SPTLC3: variants seen among roughly 807,000 people sequenced by gnomAD.
SPTLC3 encodes serine palmitoyltransferase long chain base subunit 3, also known as serine palmitoyltransferase 3.
SPTLC3 carries 36 observed loss-of-function variants against 59.3 expected under a neutral mutation model. That is an observed-to-expected ratio of 0.61 (90% CI 0.47 to 0.80). The LOEUF (loss-of-function observed/expected upper bound fraction) is 0.80, where lower values mean the gene tolerates loss of function less well. Ranked by LOEUF, SPTLC3 falls within the 30% of genes least tolerant of loss-of-function variation. The pLI, the probability that SPTLC3 is intolerant of heterozygous loss-of-function variation, is 0.00. For synonymous variants in SPTLC3, 257 were observed against 240.8 expected (o/e 1.07, Z -0.62); for missense variants, 625 against 685.1 (o/e 0.91, Z 0.98).
chr20:13,134,961 A>AG (rs1422097459), intron 9 of SPTLC3, among the ~76,000 whole-genome samples: 2 of 152,180 alleles, frequency 1.3e-5, no homozygotes, highest in Non-Finnish European at 2.9e-5. Flanking sequence ...GGAATAGGAA[A>AG]GGGAGTTTTG....
intron 7 of SPTLC3, among the ~76,000 whole-genome samples, chr20:13,115,680 A>G (rs925974396): frequency 6.6e-6 from 1 of 152,140 alleles, no homozygotes; most frequent in African/African-American, 2.4e-5. Context: ...AACACAGAAC[A>G]TTGTCAAGGG....
intron 9 of SPTLC3, among the ~76,000 whole-genome samples, chr20:13,127,647 T>C (rs530879044): frequency 2.4e-4 from 36 of 152,218 alleles, no homozygotes; most frequent in Admixed American, 4.6e-4. Flanking sequence ...CTAGTTAAAG[T>C]AGTGTCTTCA....
intron 1 of SPTLC3, among the ~76,000 whole-genome samples, chr20:13,047,367 T>C (rs1385533249): frequency 6.6e-6 from 1 of 152,104 alleles, no homozygotes; most frequent in Non-Finnish European, 1.5e-5. Flanking sequence ...CGATTTAATA[T>C]CATAAATCAT....
intron 6 of SPTLC3, among the ~76,000 whole-genome samples, chr20:13,101,108 A>G (rs146842597): frequency 1.5e-3 from 231 of 152,324 alleles, no homozygotes; most frequent in African/African-American, 5.2e-3. Flanking sequence ...GCCAGGATAG[A>G]TAACTCACTG....
intron 7 of SPTLC3, among the ~76,000 whole-genome samples, chr20:13,112,467 C>G (rs1990286681): frequency 6.6e-6 from 1 of 152,216 alleles, no homozygotes; most frequent in African/African-American, 2.4e-5. Context: ...TCAAGTACAT[C>G]ATGAGGCCAG....
intron 8 of SPTLC3, among the ~76,000 whole-genome samples, chr20:13,122,294 A>T (rs558225971): frequency 1.3e-5 from 2 of 152,248 alleles, no homozygotes; most frequent in Non-Finnish European, 2.9e-5. Flanking sequence ...TTGGAGACCA[A>T]TGTGACTCAA....
At chr20:13,151,042 C>T (rs759381128) in intron 9 of SPTLC3, among the ~76,000 whole-genome samples, 1 of 152,164 alleles carries the variant, frequency 6.6e-6, no homozygotes, top group Non-Finnish European at 1.5e-5. Context: ...CTGTTTCTCT[C>T]ACTAGACTAT....
chr20:13,154,346 G>A (rs1212869977), intron 10 of SPTLC3, among the ~76,000 whole-genome samples: 3 of 152,066 alleles, frequency 2.0e-5, no homozygotes, highest in Non-Finnish European at 4.4e-5. Context: ...CTGAGACTGA[G>A]CTCTCTCCCT....
intron 8 of SPTLC3, among the ~76,000 whole-genome samples, chr20:13,124,812 G>T (rs2037950568): frequency 6.6e-6 from 1 of 152,182 alleles, no homozygotes; most frequent in African/African-American, 2.4e-5. Flanking sequence ...GCAGGGACCA[G>T]GCCCAGGCTC....
At chr20:13,033,305 T>C (rs1986583514) in intron 1 of SPTLC3, among the ~76,000 whole-genome samples, 1 of 152,184 alleles carries the variant, frequency 6.6e-6, no homozygotes, top group Non-Finnish European at 1.5e-5. Context: ...GAAATTTATT[T>C]CTATTCATAA....
intron 1 of SPTLC3, among the ~76,000 whole-genome samples, chr20:13,019,925 T>A (rs1985779071): frequency 6.6e-6 from 1 of 152,238 alleles, no homozygotes; most frequent in South Asian, 2.1e-4. Flanking sequence ...GAAGCTGTTA[T>A]ATACTTTCTA....
At chr20:13,112,225 A>T (rs1027853805) in intron 7 of SPTLC3, among the ~76,000 whole-genome samples, 1 of 152,156 alleles carries the variant, frequency 6.6e-6, no homozygotes, top group Admixed American at 6.5e-5. Context: ...TTCAGCTGAC[A>T]CTTTGTCTGG....
chr20:13,139,403 C>G (rs528148007), intron 9 of SPTLC3, among the ~76,000 whole-genome samples: 1 of 152,222 alleles, frequency 6.6e-6, no homozygotes, highest in East Asian at 1.9e-4. Flanking sequence ...TCATTTTTTC[C>G]TAACATAAAG....
rs1179858920 is a variant in SPTLC3 at position 13,165,982 on chromosome 20, T to G, written c.*1115T>G. 2 of 152,494 alleles carry G rather than the reference T, an allele frequency of 1.3e-5. No homozygotes were observed. Among genetic ancestry groups the G allele is most frequent in the Non-Finnish European group, 2.9e-5 (2 of 68,042 alleles). The allele number at this position is 152,494 out of a possible 1,614,324, so 9.4% of individuals were successfully genotyped here. On this transcript the variant is annotated 3_prime_UTR_variant, in exon 12 of 12. Coordinates refer to ENST00000399002, the MANE Select transcript of SPTLC3 (RefSeq NM_018327.4). ...TGTTCTCTCTTTCTTGCTCTCCTTC[T>G]CAACATGAACACAAACCTCTATGGA...
At chr20:13,127,848 G>A (rs374455633) in intron 9 of SPTLC3, among the ~76,000 whole-genome samples, 4 of 152,078 alleles carry the variant, frequency 2.6e-5, no homozygotes, top group East Asian at 1.9e-4. Flanking sequence ...TTGCCTTTTC[G>A]GTGTTATGAC....
chr20:13,064,132 T>C lies in SPTLC3; in HGVS notation c.304-8124T>C, dbSNP rs1275653616. Among the ~76,000 whole-genome samples, 3 of 151,362 alleles carry C rather than the reference T, an allele frequency of 2.0e-5. No homozygotes were observed. The East Asian group carries it at 5.8e-4, about 29-fold the overall frequency. ...GCAACCTCTGCCTTCTGGGTTCAAGTGATTCTCCTGCCTCAGCCTTCCGAG... is the reference window on the plus strand; with the variant it reads ...GCAACCTCTGCCTTCTGGGTTCAAGCGATTCTCCTGCCTCAGCCTTCCGAG... On this transcript the variant is annotated intron_variant, in intron 2 of 11. Coordinates refer to ENST00000399002, the MANE Select transcript of SPTLC3 (RefSeq NM_018327.4).
intron 4 of SPTLC3, 75 bp from the exon 5 acceptor site, chr20:13,091,008 G>C (rs1038856153): frequency 2.5e-6 from 4 of 1,582,358 alleles, no homozygotes; most frequent in Middle Eastern, 1.7e-4. Flanking sequence ...TGATGTGTAC[G>C]TACTGGAATT....
At chr20:13,043,404 G>A (rs1987079758) in intron 1 of SPTLC3, among the ~76,000 whole-genome samples, 2 of 152,170 alleles carry the variant, frequency 1.3e-5, no homozygotes, top group African/African-American at 4.8e-5. Flanking sequence ...GTGTCATGTT[G>A]CATGGGCTGC....
intron 1 of SPTLC3, among the ~76,000 whole-genome samples, chr20:13,043,998 A>C (rs1987112406): frequency 6.7e-6 from 1 of 149,740 alleles, no homozygotes; most frequent in Admixed American, 6.6e-5. Flanking sequence ...TCAGTCCCTC[A>C]CCTCTTCCTC....
Sources: allele counts gnomAD v4.1 joint callset (sites outside exome capture counted in the v4.1 genomes callset), GRCh38; gene constraint gnomAD v4.1.1; transcripts MANE v1.5; gene names NCBI Gene and HGNC (gene_info 2026-07-23, HGNC 2026-07-21).